The following SAC3D1 variants were observed in gnomAD, a reference collection of about 807,000 sequenced individuals.
SAC3D1 encodes SAC3 domain containing 1.
In SAC3D1, 10 loss-of-function variants were observed where a neutral mutation model predicts 12.7. That is an observed-to-expected ratio of 0.79 (90% CI 0.49 to 1.34). The LOEUF (loss-of-function observed/expected upper bound fraction) is 1.34, where lower values mean the gene tolerates loss of function less well. SAC3D1 is among the 40% of genes most tolerant of loss of function. SAC3D1 has a pLI of 0.00. For missense variants in SAC3D1, 482 were observed against 531.1 expected (o/e 0.91, Z 0.91); for synonymous variants, 241 against 250.8 (o/e 0.96, Z 0.37).
chr11:65,044,822 G>T lies in SAC3D1; in HGVS notation c.*95G>T. ...CCAGGTAATAAAAGGAACTTGTTTTGTTGGTACCAGTCACTAGATGTGATT... is the reference window on the plus strand; with the variant it reads ...CCAGGTAATAAAAGGAACTTGTTTTTTTGGTACCAGTCACTAGATGTGATT... On this transcript the variant is annotated 3_prime_UTR_variant, in exon 2 of 2. Transcript: ENST00000652489. This position sits in a 1 kb window ranked among gnomAD's most constrained non-coding sequence, Gnocchi z 4.0. The T allele has an allele frequency of 7.6e-7, 1 of 1,323,718 alleles. No individual in the cohort carries two copies. The highest frequency in any genetic ancestry group is 1.0e-6 in the Non-Finnish European group (1 of 984,404). 82.0% of individuals were successfully genotyped at this position (1,323,718 alleles called of 1,614,324 possible). A position where few individuals can be genotyped will look rare whatever the true frequency, so the allele number is the denominator to read the frequency against.
Position 65,044,400 on chromosome 11 carries a change from G to T in SAC3D1, c.750G>T (p.Val250=). 6.2e-7 allele frequency: 1 copy of T among 1,613,710 alleles called. No homozygotes were observed. The highest frequency in any genetic ancestry group is 8.5e-7 in the Non-Finnish European group (1 of 1,180,038). The change falls in exon 2 of 2, where the codon GTG becomes GTT. Residue 250 remains valine, a synonymous_variant. Transcript: ENST00000652489. This position sits in a 1 kb window ranked among gnomAD's most constrained non-coding sequence, Gnocchi z 4.0. ...YLPSCAVQCH[V]GHARREALAR... is the part of the protein sequence containing the mutation. ...CAAGTTGCGCTGTGCAGTGCCATGT[G>T]GGCCATGCCCGCCGGGAAGCCCTGG...
upstream of SAC3D1, chr11:65,041,160 G>A: frequency 1.1e-6 from 1 of 888,172 alleles, no homozygotes. Flanking sequence ...GATCATGGCG[G>A]GAAGGCGGGC....
At chr11:65,042,392 G>A (rs1216841825) in intron 1 of SAC3D1, among the ~76,000 whole-genome samples, 2 of 152,178 alleles carry the variant, frequency 1.3e-5, no homozygotes, top group African/African-American at 2.4e-5. Context: ...ACCGCGCCCG[G>A]CTGATTTTCA....
At chr11:65,043,366 A>T (rs1946645101) in intron 1 of SAC3D1, among the ~76,000 whole-genome samples, 3 of 151,760 alleles carry the variant, frequency 2.0e-5, no homozygotes. Context: ...GGCTAAAGTG[A>T]TCCTACCGCG....
chr11:65,044,558 G>A lies in SAC3D1; in HGVS notation c.908G>A (p.Gly303Glu). 3 of 1,614,196 alleles carry A rather than the reference G, an allele frequency of 1.9e-6. No individual in the cohort carries two copies. Among genetic ancestry groups the A allele is most frequent in the Non-Finnish European group, 2.5e-6 (3 of 1,180,042 alleles). ...CAGGCCCACGGGCTGCCCTTGGACGGAGAGGAGAGAGTTGTGTTCCTGAGG... is the reference window on the plus strand; with the variant it reads ...CAGGCCCACGGGCTGCCCTTGGACGAAGAGGAGAGAGTTGTGTTCCTGAGG... ...LCQAHGLPLD[G>E]EERVVFLRGR... Residue 303 changes from glycine (G) to glutamate (E), a missense_variant, in exon 2 of 2, where the codon GGA (glycine) becomes GAA (glutamate). Coordinates refer to ENST00000652489, the MANE Select transcript of SAC3D1 (RefSeq NM_013299.4). This position sits in a 1 kb window ranked among gnomAD's most constrained non-coding sequence, Gnocchi z 4.0.
At position 65,041,459 on chromosome 11, in the gene SAC3D1, G is replaced by T. The variant is rs1467286618; in HGVS notation, c.167G>T (p.Arg56Leu). The change falls in exon 1 of 2, where the codon CGA (arginine) becomes CTA (leucine). Residue 56 changes from arginine (R) to leucine (L), a missense_variant. Arg to Leu is a moderately radical substitution (Grantham distance 102, BLOSUM62 -2). This residue lies in a region of SAC3D1 where 197 missense variants were observed against 183.2 expected (regional missense o/e 1.08). Coordinates refer to ENST00000652489, the MANE Select transcript of SAC3D1 (RefSeq NM_013299.4). ...CAGCGCGCGGTGAAGGAGTACAGCC[G>T]ACCCGCCGCCGGCAAGCCCCGGCCC... ...DPQRAVKEYS[R>L]PAAGKPRPPP... 3.6e-5 allele frequency: 54 copies of T among 1,484,716 alleles called. No individual in the cohort carries two copies. The highest frequency in any genetic ancestry group is 4.1e-5 in the Non-Finnish European group (46 of 1,124,130). The allele number at this position is 1,484,716 out of a possible 1,614,324, so 92.0% of individuals were successfully genotyped here. A position where few individuals can be genotyped will look rare whatever the true frequency, so the allele number is the denominator to read the frequency against.
intron 1 of SAC3D1, among the ~76,000 whole-genome samples, chr11:65,042,231 G>A (rs906191354): frequency 1.3e-5 from 2 of 151,820 alleles, no homozygotes; most frequent in Non-Finnish European, 2.9e-5. Flanking sequence ...CTGAGTAGCT[G>A]GGATCACAGG....
chr11:65,044,311 G>A lies in SAC3D1; in HGVS notation c.661G>A (p.Ala221Thr). 6.2e-7 allele frequency: 1 copy of A among 1,613,334 alleles called. No individual in the cohort carries two copies. The highest frequency in any genetic ancestry group is 8.5e-7 in the Non-Finnish European group (1 of 1,180,024). The part of the protein sequence containing the change: ...PPLRKALAVD[A>T]AFREGNAARL... ...CCTCCGCAAGGCCTTGGCGGTAGAT[G>A]CTGCCTTCCGAGAGGGCAATGCTGC... Residue 221 changes from alanine to threonine, a missense_variant, in exon 2 of 2, where the codon GCT becomes ACT. Around this residue, in one of 3 missense-constraint regions of SAC3D1, gnomAD observed 225 missense variants for 241.1 expected, o/e 0.93. Transcript: ENST00000652489. The surrounding 1 kb of genome is among the most constrained non-coding windows in gnomAD (Gnocchi z 4.0).
At chr11:65,042,084 A>G (rs2458297) in intron 1 of SAC3D1, among the ~76,000 whole-genome samples, 145,492 of 152,114 alleles carry the variant, frequency 0.96, 69,705 homozygotes, top group South Asian at 0.98. Context: ...GAAAGGGAGA[A>G]TTGGTCTAAA....
At position 65,041,702 on chromosome 11, in the gene SAC3D1, T is replaced by C; in HGVS notation, c.410T>C (p.Val137Ala). The part of the protein sequence containing the change: ...EAALATLLTV[V>A]ARLGPDAARG... ...GCGCTGGCCACGCTGCTGACCGTAGTGGCGCGGCTCGGGCCCGACGCGGCG... is the reference window on the plus strand; with the variant it reads ...GCGCTGGCCACGCTGCTGACCGTAGCGGCGCGGCTCGGGCCCGACGCGGCG... Residue 137 changes from valine (V) to alanine (A), a missense_variant, in exon 1 of 2, where the codon GTG (valine) becomes GCG (alanine). Physicochemically the swap from Val to Ala is moderately conservative, Grantham distance 64. This residue lies in a region of SAC3D1 where 60 missense variants were observed against 106.9 expected (regional missense o/e 0.56). Transcript: ENST00000652489. 1.5e-6 allele frequency: 2 copies of C among 1,324,972 alleles called. No individual in the cohort carries two copies. Among genetic ancestry groups the C allele is most frequent in the Non-Finnish European group, 1.9e-6 (2 of 1,044,962 alleles). The allele number at this position is 1,324,972 out of a possible 1,614,324, so 82.1% of individuals were successfully genotyped here. A position where few individuals can be genotyped will look rare whatever the true frequency, so the allele number is the denominator to read the frequency against.
At position 65,044,718 on chromosome 11, in the gene SAC3D1, C is replaced by T. The variant is rs199563452; in HGVS notation, c.1068C>T (p.Ser356=). 25 of 1,611,774 alleles carry T rather than the reference C, an allele frequency of 1.6e-5. No individual in the cohort carries two copies. Among genetic ancestry groups the T allele is most frequent in the Non-Finnish European group, 1.7e-5 (20 of 1,178,990 alleles). ...ATGAGGGCACGGACAGACCTGGGTCCCCAGCCTGAGGAGGGAGCGTGAGCC... is the reference window on the plus strand; with the variant it reads ...ATGAGGGCACGGACAGACCTGGGTCTCCAGCCTGAGGAGGGAGCGTGAGCC... ...EEDEGTDRPG[S]PA Residue 356 remains serine (S), a synonymous_variant, in exon 2 of 2, where the codon TCC becomes TCT. Transcript: ENST00000652489. The surrounding 1 kb of genome is among the most constrained non-coding windows in gnomAD (Gnocchi z 4.0).
In SAC3D1 at chr11:65,044,218, C is replaced by T. The variant is rs767796723; in HGVS notation, c.575-7C>T. ...GGCGTCCTCATTCTGGCTTCCCGCT[C>T]TCACAGGCTCGGTGGAAGCCCTGCA... On this transcript the variant is annotated splice_polypyrimidine_tract_variant and splice_region_variant and intron_variant, in intron 1 of 1. Coordinates refer to ENST00000652489, the MANE Select transcript of SAC3D1 (RefSeq NM_013299.4). This position sits in a 1 kb window ranked among gnomAD's most constrained non-coding sequence, Gnocchi z 4.0. 1.9e-6 allele frequency: 3 copies of T among 1,610,978 alleles called. No homozygotes were observed. In the African/African-American group the frequency reaches 4.0e-5, roughly 22 times the overall value.
intron 1 of SAC3D1, 132 bp downstream of exon 1, chr11:65,041,998 G>C: frequency 1.7e-6 from 2 of 1,186,818 alleles, no homozygotes; most frequent in Non-Finnish European, 2.1e-6. Context: ...AAGATCCACC[G>C]AGCCCCGACG....
chr11:65,043,564 G>A (rs1462250071), intron 1 of SAC3D1, among the ~76,000 whole-genome samples: 2 of 122,570 alleles, frequency 1.6e-5, no homozygotes, highest in African/African-American at 6.2e-5. Context: ...GGAGATTGCA[G>A]TGAGCCAAGA....
rs757299066 is a variant in SAC3D1 at position 65,044,814 on chromosome 11, C to A, written c.*87C>A. 8.1e-5 allele frequency: 115 copies of A among 1,424,534 alleles called. No individual in the cohort carries two copies. The highest frequency in any genetic ancestry group is 1.0e-4 in the Non-Finnish European group (109 of 1,070,616). The allele number at this position is 1,424,534 out of a possible 1,614,324, so 88.2% of individuals were successfully genotyped here. A position where few individuals can be genotyped will look rare whatever the true frequency, so the allele number is the denominator to read the frequency against. ...CATGGTTTCCAGGTAATAAAAGGAA[C>A]TTGTTTTGTTGGTACCAGTCACTAG... On this transcript the variant is annotated 3_prime_UTR_variant, in exon 2 of 2. Transcript: ENST00000652489. This position sits in a 1 kb window ranked among gnomAD's most constrained non-coding sequence, Gnocchi z 4.0.
rs1242587169 is a variant in SAC3D1 at position 65,044,430 on chromosome 11, C to CT, written c.782dup (p.Ala262ArgfsTer5). Reference sequence around the variant, plus strand: ...ATGCCCGCCGGGAAGCCCTGGCCCGCTTCGCTCGTGCCTTTAGCACCCCCA... The same window carrying CT: ...ATGCCCGCCGGGAAGCCCTGGCCCGCTTTCGCTCGTGCCTTTAGCACCCCCA... On this transcript the variant is annotated frameshift_variant, in exon 2 of 2. Coordinates refer to ENST00000652489, the MANE Select transcript of SAC3D1 (RefSeq NM_013299.4). LOFTEE classifies it low-confidence loss of function (END_TRUNC). This position sits in a 1 kb window ranked among gnomAD's most constrained non-coding sequence, Gnocchi z 4.0. The CT allele has an allele frequency of 6.2e-7, 1 of 1,613,850 alleles. No individual in the cohort carries two copies. The highest frequency in any genetic ancestry group is 1.7e-5 in the Admixed American group (1 of 60,034).
Position 65,041,475 on chromosome 11 carries a change from G to C in SAC3D1, c.183G>C (p.Lys61Asn). 1 of 1,475,664 alleles carries C rather than the reference G, an allele frequency of 6.8e-7. No homozygotes were observed. Among genetic ancestry groups the C allele is most frequent in the South Asian group, 1.3e-5 (1 of 77,688 alleles). The allele number at this position is 1,475,664 out of a possible 1,614,324, so 91.4% of individuals were successfully genotyped here. Reference sequence around the variant, plus strand: ...AGTACAGCCGACCCGCCGCCGGCAAGCCCCGGCCCCCGCCCAGCCAGTTGC... The same window carrying C: ...AGTACAGCCGACCCGCCGCCGGCAACCCCCGGCCCCCGCCCAGCCAGTTGC... ...VKEYSRPAAG[K>N]PRPPPSQLRP... The change falls in exon 1 of 2, where the codon AAG (lysine) becomes AAC (asparagine). Residue 61 changes from lysine (K) to asparagine (N), a missense_variant. Physicochemically the swap from Lys to Asn is moderately conservative, Grantham distance 94 (BLOSUM62 0). Transcript: ENST00000652489.
upstream of SAC3D1, chr11:65,040,944 A>C: frequency 2.9e-6 from 1 of 343,818 alleles, no homozygotes; most frequent in Non-Finnish European, 5.4e-6. Flanking sequence ...CCGGTGTATC[A>C]TGGGAGCGGC....
At chr11:65,041,968 G>A in intron 1 of SAC3D1, 102 bp downstream of exon 1, 1 of 1,269,088 alleles carries the variant, frequency 7.9e-7, no homozygotes, top group Non-Finnish European at 9.9e-7. Flanking sequence ...CTCACCATTA[G>A]CCCCCTCCCA....
Sources: allele counts gnomAD v4.1 joint callset (sites outside exome capture counted in the v4.1 genomes callset), GRCh38; gene constraint gnomAD v4.1.1; regional missense constraint gnomAD v4.1.1; non-coding constraint Gnocchi (gnomAD v3.1); transcripts MANE v1.5; gene names NCBI Gene and HGNC (gene_info 2026-07-23, HGNC 2026-07-21).